CACNG5: variants seen among roughly 807,000 people sequenced by gnomAD.
CACNG5 encodes voltage-dependent calcium channel gamma-5 subunit.
In CACNG5, 18 loss-of-function variants were observed where a neutral mutation model predicts 24.8. The observed-to-expected ratio is 0.73, with a 90% CI of 0.50 to 1.08. The LOEUF (loss-of-function observed/expected upper bound fraction) is 1.08, where lower values mean the gene tolerates loss of function less well. Among genes scored for constraint, CACNG5 ranks in the 50% least tolerant of loss-of-function variants. The pLI, the probability that CACNG5 is intolerant of heterozygous loss-of-function variation, is 0.00. For missense variants in CACNG5, 349 were observed against 367.9 expected, an observed-to-expected ratio of 0.95 and a Z score of 0.42; for synonymous variants, 157 against 149.1, an observed-to-expected ratio of 1.05 and a Z score of -0.39.
At chr17:66,872,680 C>A (rs1034185835) in intron 1 of CACNG5, among the ~76,000 whole-genome samples, 7 of 152,142 alleles carry the variant, frequency 4.6e-5, no homozygotes, top group Non-Finnish European at 8.8e-5. Flanking sequence ...GCACTTCTCC[C>A]CTCTGGATCT....
intron 1 of CACNG5, among the ~76,000 whole-genome samples, chr17:66,871,166 A>T (rs1255291644): frequency 6.6e-6 from 1 of 152,148 alleles, no homozygotes; most frequent in Non-Finnish European, 1.5e-5. Context: ...GGAAGCAGGC[A>T]GGGCCAGAGA....
chr17:66,854,896 C>T (rs1032202923), intron 1 of CACNG5, among the ~76,000 whole-genome samples: 3 of 151,876 alleles, frequency 2.0e-5, no homozygotes, highest in African/African-American at 7.3e-5. Flanking sequence ...GAAAAATAGC[C>T]AAACATAAAA....
chr17:66,860,449 C>T (rs956937402), intron 1 of CACNG5, among the ~76,000 whole-genome samples: 1 of 152,052 alleles, frequency 6.6e-6, no homozygotes, highest in Admixed American at 6.6e-5. Context: ...ACTGACTTCT[C>T]ATCAAACACA....
At chr17:66,845,976 A>G (rs1291546694) in intron 1 of CACNG5, among the ~76,000 whole-genome samples, 1 of 152,076 alleles carries the variant, frequency 6.6e-6, no homozygotes, top group African/African-American at 2.4e-5. Flanking sequence ...AGACCAGGTG[A>G]TGTGTGAAAG....
chr17:66,884,768 C>A (rs1419141752), intron 5 of CACNG5, 107 bp downstream of exon 5: 2 of 1,613,626 alleles, frequency 1.2e-6, no homozygotes, highest in African/African-American at 1.3e-5. Flanking sequence ...CCATTTTGGA[C>A]CCCGGACCAC....
intron 1 of CACNG5, among the ~76,000 whole-genome samples, chr17:66,871,822 G>A (rs1358340706): frequency 1.3e-5 from 2 of 152,040 alleles, no homozygotes; most frequent in Admixed American, 6.6e-5. Context: ...ATCGCACCAC[G>A]GCATTCCAGC....
chr17:66,848,679 G>A (rs1976669800), intron 1 of CACNG5, among the ~76,000 whole-genome samples: 1 of 152,156 alleles, frequency 6.6e-6, no homozygotes, highest in African/African-American at 2.4e-5. Flanking sequence ...TTGAGGTCCT[G>A]GTAGTGGCCC....
rs1052938565 is a variant in CACNG5 at position 66,886,655 on chromosome 17, T to C, written c.*1415T>C. 1.3e-5 allele frequency among the ~76,000 whole-genome samples: 2 copies of C among 152,178 alleles called. No homozygotes were observed. Among genetic ancestry groups the C allele is most frequent in the African/African-American group, 2.4e-5 (1 of 41,446 alleles). ...GCTAGGTTCTGAGAACAGAAAGCCATGGTGGCGACACGTGGGCTCCAGCAC... is the reference window on the plus strand; with the variant it reads ...GCTAGGTTCTGAGAACAGAAAGCCACGGTGGCGACACGTGGGCTCCAGCAC... On this transcript the variant is annotated 3_prime_UTR_variant, in exon 6 of 6. Transcript: ENST00000533854.
In CACNG5 at chr17:66,862,892, C is replaced by CTCTCTGTGTGTGTGTG. The variant is rs567913804; in HGVS notation, c.-103-14337_-103-14336insCTCTGTGTGTGTGTGT. Among the ~76,000 whole-genome samples the CTCTCTGTGTGTGTGTG allele has an allele frequency of 3.6e-3, 510 of 142,234 alleles. 7 individuals are homozygous for CTCTCTGTGTGTGTGTG. Among genetic ancestry groups the CTCTCTGTGTGTGTGTG allele is most frequent in the African/African-American group, 6.4e-3 (243 of 37,680 alleles). The allele number at this position is 142,234 out of a possible 152,430, so 93.3% of individuals were successfully genotyped here. On this transcript the variant is annotated intron_variant, in intron 1 of 5. Coordinates refer to ENST00000533854, the MANE Select transcript of CACNG5 (RefSeq NM_145811.3). ...ACAACCTTGTCTGCCAGCATATTCTCTGTGTGTGTGTGTGTGTGTGTGTGT... is the reference window on the plus strand; with the variant it reads ...ACAACCTTGTCTGCCAGCATATTCTCTCTCTGTGTGTGTGTGTGTGTGTGTGTGTGTGTGTGTGTGT...
At chr17:66,843,758 G>C (rs1976598175) in intron 1 of CACNG5, among the ~76,000 whole-genome samples, 1 of 152,188 alleles carries the variant, frequency 6.6e-6, no homozygotes, top group Non-Finnish European at 1.5e-5. Flanking sequence ...GTCAGGTAGA[G>C]GGTGCTGCTC....
chr17:66,892,598 T>G lies in CACNG5; in HGVS notation c.*7358T>G, dbSNP rs1257830274. Among the ~76,000 whole-genome samples the G allele has an allele frequency of 6.6e-6, 1 of 152,230 alleles. No homozygotes were observed. The highest frequency in any genetic ancestry group is 2.4e-5 in the African/African-American group (1 of 41,452). The stretch of plus-strand genomic sequence containing the variant: ...CTGATTAGGCAATAAAGGAACCACG[T>G]ATCACAACGTTCCCAGCAGACTAAC... On this transcript the variant is annotated 3_prime_UTR_variant, in exon 6 of 6. Transcript: ENST00000533854.
chr17:66,851,631 C>A (rs1354270536), intron 1 of CACNG5, among the ~76,000 whole-genome samples: 2 of 152,038 alleles, frequency 1.3e-5, no homozygotes, highest in Non-Finnish European at 2.9e-5. Flanking sequence ...AGATGAACAA[C>A]AAAATCTAGA....
chr17:66,846,276 A>T (rs942076004), intron 1 of CACNG5, among the ~76,000 whole-genome samples: 1 of 152,180 alleles, frequency 6.6e-6, no homozygotes, highest in African/African-American at 2.4e-5. Context: ...CATGTTAACC[A>T]TTTTAAAGTG....
intron 1 of CACNG5, among the ~76,000 whole-genome samples, chr17:66,859,471 A>T (rs577066407): frequency 5.1e-4 from 78 of 152,116 alleles, no homozygotes; most frequent in African/African-American, 1.8e-3. Context: ...TGCTGGGAGG[A>T]GGTATTTATA....
rs71160595 is a variant in CACNG5 at position 66,838,960 on chromosome 17, C to CTTTTTTTTTTTTTTTTTTTTTTTTTTTTT, written c.-104+3729_-104+3730insTTTTTTTTTTTTTTTTTTTTTTTTTTTTT. Among the ~76,000 whole-genome samples, 36 of 88,096 alleles carry CTTTTTTTTTTTTTTTTTTTTTTTTTTTTT rather than the reference C, an allele frequency of 4.1e-4. 4 individuals carry two copies. Among genetic ancestry groups the CTTTTTTTTTTTTTTTTTTTTTTTTTTTTT allele is most frequent in the Non-Finnish European group, 6.8e-4 (32 of 47,296 alleles). 57.8% of individuals were successfully genotyped at this position (88,096 alleles called of 152,430 possible). ...GTAGCACCCCAGTCCCTCACCCATT[C>CTTTTTTTTTTTTTTTTTTTTTTTTTTTTT]TTTTTTTTTTTTTTTTTTTGAGACA... On this transcript the variant is annotated intron_variant, in intron 1 of 5. Transcript: ENST00000533854.
intron 1 of CACNG5, among the ~76,000 whole-genome samples, chr17:66,856,512 A>T (rs9889789): frequency 0.38 from 57,189 of 150,802 alleles, 11,033 homozygotes; most frequent in South Asian, 0.5. Context: ...AAAATTTCCA[A>T]CATAACAAGG....
intron 1 of CACNG5, among the ~76,000 whole-genome samples, chr17:66,837,240 A>T (rs4329946): frequency 3.3e-5 from 5 of 152,216 alleles, no homozygotes; most frequent in Non-Finnish European, 7.3e-5. Context: ...CTGTGTAGCT[A>T]GGATCCCTCA....
chr17:66,845,960 G>T (rs753852206), intron 1 of CACNG5, among the ~76,000 whole-genome samples: 6 of 152,138 alleles, frequency 3.9e-5, no homozygotes, highest in Non-Finnish European at 8.8e-5. Flanking sequence ...GCCTCTTGGG[G>T]CTCCAAGACC....
intron 1 of CACNG5, among the ~76,000 whole-genome samples, chr17:66,866,272 G>T (rs1187716687): frequency 6.6e-6 from 1 of 151,980 alleles, no homozygotes; most frequent in African/African-American, 2.4e-5. Context: ...TGTGCAGTAT[G>T]GTCCCTTTTT....
Sources: gnomAD v4.1 joint callset for allele counts (sites outside exome capture counted in the v4.1 genomes callset) on GRCh38, gnomAD v4.1.1 for gene constraint, MANE v1.5 for transcripts, NCBI Gene and HGNC (gene_info 2026-07-23, HGNC 2026-07-21) for gene names.